The following SEZ6L2 variants were observed in gnomAD, a reference collection of about 807,000 sequenced individuals.
SEZ6L2 encodes the protein seizure 6-like protein 2.
Under a neutral mutation model 97.0 loss-of-function variants are expected in SEZ6L2, and 44 were observed. The observed-to-expected ratio is 0.45, with a 90% CI of 0.36 to 0.58. SEZ6L2 has a LOEUF of 0.58. Ranked by LOEUF, SEZ6L2 falls within the 20% of genes least tolerant of loss-of-function variation. The pLI is 0.00. For synonymous variants in SEZ6L2, 543 were observed against 546.1 expected (o/e 0.99, Z 0.08); for missense variants, 1,086 against 1,233.3 (o/e 0.88, Z 1.79).
intron 3 of SEZ6L2, among the ~76,000 whole-genome samples, chr16:29,896,212 C>T (rs2068385061): frequency 6.6e-6 from 1 of 152,198 alleles, no homozygotes; most frequent in Non-Finnish European, 1.5e-5. Context: ...GATCCTCCTG[C>T]CTTGGCCTCC....
rs772597678 is a variant in SEZ6L2, at chr16:29,873,569, G to A, written c.2265C>T (p.Pro755=). The change falls in exon 13 of 18, where the codon CCC becomes CCT. Residue 755 remains proline (P), a synonymous_variant. Transcript: ENST00000617533. This position sits in a 1 kb window ranked among gnomAD's most constrained non-coding sequence, Gnocchi z 4.3. The part of the protein sequence containing the change: ...LTCYSRDTGT[P]KWSDRVPKCA... Reference sequence around the variant, plus strand: ...ATTTGGGGACCCTATCGCTCCACTTGGGTGTGCCTGTGTCCCGGCTGTAGC... The same window carrying A: ...ATTTGGGGACCCTATCGCTCCACTTAGGTGTGCCTGTGTCCCGGCTGTAGC... 2 of 1,614,044 alleles carry A rather than the reference G, an allele frequency of 1.2e-6. No homozygotes were observed. Among genetic ancestry groups the A allele is most frequent in the East Asian group, 2.2e-5 (1 of 44,880 alleles).
rs2067993593 is a variant in SEZ6L2, at chr16:29,879,896, G to A, written c.1541C>T (p.Pro514Leu). The change falls in exon 9 of 18, where the codon CCC becomes CTC. Residue 514 changes from proline to leucine, a missense_variant. Physicochemically the swap from Pro to Leu is moderately conservative, Grantham distance 98. Coordinates refer to ENST00000617533, the MANE Select transcript of SEZ6L2 (RefSeq NM_001243332.2). ...GGCCGGCTCTGTGTCGTTCCAGTGG[G>A]GTTCTGTGGGATCCACACATTCGAT... ...NAIECVDPTE[P>L]HWNDTEPACK... is the part of the protein sequence containing the mutation. 3 of 1,612,000 alleles carry A rather than the reference G, an allele frequency of 1.9e-6. No individual in the cohort carries two copies. Among genetic ancestry groups the A allele is most frequent in the Non-Finnish European group, 2.5e-6 (3 of 1,178,606 alleles).
chr16:29,880,878 C>T (rs1014329106), intron 8 of SEZ6L2, among the ~76,000 whole-genome samples: 1 of 151,946 alleles, frequency 6.6e-6, no homozygotes, highest in African/African-American at 2.4e-5. Flanking sequence ...CCTCCCACCT[C>T]AGCCTCTCTG....
intron 5 of SEZ6L2, among the ~76,000 whole-genome samples, chr16:29,890,902 C>T (rs1000617322): frequency 1.3e-5 from 2 of 151,488 alleles, no homozygotes; most frequent in African/African-American, 4.8e-5. Context: ...GCGTGTGCCA[C>T]GACTCCTGGC....
At chr16:29,881,620 CTT>C (rs59318540) in intron 8 of SEZ6L2, among the ~76,000 whole-genome samples, 3 of 85,132 alleles carry the variant, frequency 3.5e-5, no homozygotes, top group Non-Finnish European at 4.2e-5. Flanking sequence ...ATGAGGAATT[CTT>C]TTTTTTTTTT....
rs566920777 is a variant in SEZ6L2 at position 29,871,467 on chromosome 16, G to A, written c.*232C>T. The A allele has an allele frequency of 5.0e-5, 30 of 595,644 alleles. No homozygotes were observed. The highest frequency in any genetic ancestry group is 8.6e-5 in the Admixed American group (3 of 34,738). 36.9% of individuals were successfully genotyped at this position (595,644 alleles called of 1,614,324 possible). A position where few individuals can be genotyped will look rare whatever the true frequency, so the allele number is the denominator to read the frequency against. ...CCCAGAATCCAAAAGCCGGTAGGGCGGGGGGCAGGCCCCTCGTTTGGCAAC... is the reference window on the plus strand; with the variant it reads ...CCCAGAATCCAAAAGCCGGTAGGGCAGGGGGCAGGCCCCTCGTTTGGCAAC... On this transcript the variant is annotated 3_prime_UTR_variant, in exon 18 of 18. Coordinates refer to ENST00000617533, the MANE Select transcript of SEZ6L2 (RefSeq NM_001243332.2).
intron 5 of SEZ6L2, among the ~76,000 whole-genome samples, chr16:29,892,890 A>T (rs1354135599): frequency 6.6e-6 from 1 of 151,622 alleles, no homozygotes; most frequent in Non-Finnish European, 1.5e-5. Context: ...CACACAGGTA[A>T]GCATGGATGT....
At chr16:29,894,830 G>A (rs1030336130) in intron 5 of SEZ6L2, among the ~76,000 whole-genome samples, 39 of 152,164 alleles carry the variant, frequency 2.6e-4, no homozygotes, top group African/African-American at 8.2e-4. Flanking sequence ...CCCCAGGGTC[G>A]CAGTCAGGAG....
intron 7 of SEZ6L2, 75 bp from the exon 8 acceptor site, chr16:29,885,824 C>T (rs2068128278): frequency 2.7e-6 from 4 of 1,462,352 alleles, no homozygotes; most frequent in Non-Finnish European, 3.7e-6. Context: ...GCTTTCCTAA[C>T]TTATTTTTAT....
chr16:29,894,689 C>T (rs2068341644), intron 5 of SEZ6L2, among the ~76,000 whole-genome samples: 1 of 152,144 alleles, frequency 6.6e-6, no homozygotes, highest in Admixed American at 6.6e-5. Flanking sequence ...AAGGCTAACA[C>T]AGGGCCTGGT....
Position 29,872,247 on chromosome 16 carries a change from G to C in SEZ6L2, c.2682C>G (p.Ser894=). The part of the protein sequence containing the change: ...QGKSLFGFSG[S]HSYSPITVES... ...CCACGGTGATGGGGCTGTAGGAGTG[G>C]GAGCCCGAGAAGCCGAAAAGGGACT... The change falls in exon 17 of 18, where the codon TCC becomes TCG. Residue 894 remains serine, a synonymous_variant. Transcript: ENST00000617533. 6.2e-7 allele frequency: 1 copy of C among 1,612,762 alleles called. No homozygotes were observed. Among genetic ancestry groups the C allele is most frequent in the Non-Finnish European group, 8.5e-7 (1 of 1,179,442 alleles).
At chr16:29,884,039 C>T (rs565676494) in intron 8 of SEZ6L2, among the ~76,000 whole-genome samples, 7 of 152,294 alleles carry the variant, frequency 4.6e-5, no homozygotes, top group African/African-American at 1.4e-4. Flanking sequence ...ATTCATTCCT[C>T]TTCTTCTGGT....
Position 29,895,245 on chromosome 16 carries a change from C to T in SEZ6L2, c.853+14G>A, listed in dbSNP as rs1221111252. ...TGGCCCCTGCCCTTCCAGCAGCACCCTCAAACTCCTCACCCTGATAGTGGA... is the reference window on the plus strand; with the variant it reads ...TGGCCCCTGCCCTTCCAGCAGCACCTTCAAACTCCTCACCCTGATAGTGGA... On this transcript the variant is annotated intron_variant, in intron 5 of 17. Transcript: ENST00000617533. 1 of 1,610,260 alleles carries T rather than the reference C, an allele frequency of 6.2e-7. No homozygotes were observed. Among genetic ancestry groups the T allele is most frequent in the Admixed American group, 1.7e-5 (1 of 59,936 alleles).
In SEZ6L2 at chr16:29,899,174, T is replaced by A; in HGVS notation, c.-155A>T. ...AAAGAAAGACAATTTCTCTGCCCCT[T>A]GGGATGGAGGGGCAGAATTGGGCTA... On this transcript the variant is annotated 5_prime_UTR_variant, in exon 1 of 18. Coordinates refer to ENST00000617533, the MANE Select transcript of SEZ6L2 (RefSeq NM_001243332.2). 1.6e-6 allele frequency: 1 copy of A among 621,408 alleles called. No individual in the cohort carries two copies. The allele number at this position is 621,408 out of a possible 1,614,324, so 38.5% of individuals were successfully genotyped here.
intron 3 of SEZ6L2, among the ~76,000 whole-genome samples, chr16:29,896,405 G>A (rs2150817148): frequency 6.6e-6 from 1 of 152,236 alleles, no homozygotes; most frequent in Non-Finnish European, 1.5e-5. Context: ...TCAGCCTTCT[G>A]AGTAGCTGGG....
chr16:29,895,298 G>T lies in SEZ6L2; in HGVS notation c.814C>A (p.Arg272=). 2 of 1,613,948 alleles carry T rather than the reference G, an allele frequency of 1.2e-6. No individual in the cohort carries two copies. Among genetic ancestry groups the T allele is most frequent in the South Asian group, 1.1e-5 (1 of 91,082 alleles). The change falls in exon 5 of 18, where the codon CGG becomes AGG. Residue 272 remains arginine, a synonymous_variant. Coordinates refer to ENST00000617533, the MANE Select transcript of SEZ6L2 (RefSeq NM_001243332.2). Reference sequence around the variant, plus strand: ...CTGAAGCCACCGCCCCTTGGGACCCGTGGGCTCTGGAAGTGCAGAAGCAGC... The same window carrying T: ...CTGAAGCCACCGCCCCTTGGGACCCTTGGGCTCTGGAAGTGCAGAAGCAGC... ...NRLLLHFQSP[R]VPRGGGFRIH... is the part of the protein sequence containing the mutation.
chr16:29,874,564 T>G (rs1168625663), intron 12 of SEZ6L2, among the ~76,000 whole-genome samples: 10 of 92,156 alleles, frequency 1.1e-4, no homozygotes, highest in East Asian at 6.7e-4. Flanking sequence ...TTTTTTTTTT[T>G]TTTTTTTTTT....
intron 5 of SEZ6L2, among the ~76,000 whole-genome samples, chr16:29,890,419 A>G (rs541355266): frequency 1.3e-5 from 2 of 152,164 alleles, no homozygotes; most frequent in Non-Finnish European, 2.9e-5. Context: ...CCCATGCCCA[A>G]CAGAATCAAG....
intron 9 of SEZ6L2, among the ~76,000 whole-genome samples, chr16:29,879,170 T>G (rs2067977573): frequency 1.3e-5 from 2 of 151,920 alleles, no homozygotes; most frequent in Non-Finnish European, 2.9e-5. Context: ...CCCAGAGTGT[T>G]GGGATTACAG....
Sources: allele counts gnomAD v4.1 joint callset (sites outside exome capture counted in the v4.1 genomes callset), GRCh38; gene constraint gnomAD v4.1.1; non-coding constraint Gnocchi (gnomAD v3.1); transcripts MANE v1.5; gene names NCBI Gene and HGNC (gene_info 2026-07-23, HGNC 2026-07-21).